The following CR1L variants were observed in gnomAD, a reference collection of about 807,000 sequenced individuals.
The protein encoded by CR1L is complement C3b/C4b receptor 1 like, also known as complement component receptor 1-like protein.
CR1L carries 59 observed loss-of-function variants against 62.3 expected under a neutral mutation model. The ratio of observed to expected loss-of-function variants is 0.95; its 90% CI spans 0.77 to 1.18. The LOEUF is 1.18. Among genes scored for constraint, CR1L ranks in the 50% most tolerant of loss-of-function variants. The pLI, the probability that CR1L is intolerant of heterozygous loss-of-function variation, is 0.00. For synonymous variants in CR1L, 279 were observed against 248.7 expected, an observed-to-expected ratio of 1.12 and a Z score of -1.15; for missense variants, 700 against 702.8, an observed-to-expected ratio of 1.00 and a Z score of 0.04.
intron 9 of CR1L, among the ~76,000 whole-genome samples, chr1:207,705,653 C>T (rs1356505898): frequency 6.6e-6 from 1 of 152,150 alleles, no homozygotes; most frequent in African/African-American, 2.4e-5. Context: ...CTTTTTTGAG[C>T]ATTTTTAAAA....
chr1:207,721,441 G>T (rs944532879), intron 11 of CR1L, among the ~76,000 whole-genome samples: 50 of 150,460 alleles, frequency 3.3e-4, no homozygotes, highest in Admixed American at 3.2e-3. Context: ...AATATGCGGT[G>T]TTTGGTTTTT....
intron 1 of CR1L, among the ~76,000 whole-genome samples, chr1:207,661,829 A>AG (rs1335758088): frequency 6.6e-6 from 1 of 152,184 alleles, no homozygotes; most frequent in African/African-American, 2.4e-5. Context: ...AAGCTGTTTT[A>AG]GGGCAGGCCT....
At chr1:207,715,405 G>T in intron 10 of CR1L, 2 of 1,552,186 alleles carry the variant, frequency 1.3e-6, no homozygotes, top group Non-Finnish European at 1.8e-6. Context: ...AACGTGAGTA[G>T]AAAGAACTAC....
intron 9 of CR1L, among the ~76,000 whole-genome samples, chr1:207,706,473 T>A (rs1267520910): frequency 6.6e-6 from 1 of 151,962 alleles, no homozygotes; most frequent in African/African-American, 2.4e-5. Context: ...ATTCAAATTA[T>A]GTATTAAAAA....
chr1:207,647,712 G>T (rs530461949), intron 1 of CR1L, among the ~76,000 whole-genome samples: 8 of 152,230 alleles, frequency 5.3e-5, no homozygotes, highest in African/African-American at 9.6e-5. Flanking sequence ...TGCTCAGGAT[G>T]GTCTTTCTGT....
At chr1:207,707,404 G>A (rs1332354744) in intron 9 of CR1L, among the ~76,000 whole-genome samples, 4 of 152,134 alleles carry the variant, frequency 2.6e-5, no homozygotes, top group African/African-American at 9.7e-5. Context: ...GAGGTGGGAG[G>A]GTCACCTCAG....
chr1:207,672,477 G>A, intron 1 of CR1L, among the ~76,000 whole-genome samples: 1 of 151,290 alleles, frequency 6.6e-6, no homozygotes, highest in Non-Finnish European at 1.5e-5. Context: ...AAAAGATAAA[G>A]GTGCTGAAGT....
intron 1 of CR1L, among the ~76,000 whole-genome samples, chr1:207,658,185 C>G (rs2102443770): frequency 6.6e-6 from 1 of 151,672 alleles, no homozygotes; most frequent in African/African-American, 2.4e-5. Flanking sequence ...AAAAGAAAAG[C>G]CTCAAATCAA....
intron 10 of CR1L, chr1:207,709,250 A>T (rs1022538935): frequency 6.3e-6 from 1 of 158,118 alleles, no homozygotes; most frequent in Non-Finnish European, 1.4e-5. Flanking sequence ...CAAAAAATAC[A>T]AAAATTAAAT....
chr1:207,708,898 G>C, intron 10 of CR1L: 1 of 398,054 alleles, frequency 2.5e-6, no homozygotes, highest in Non-Finnish European at 5.0e-6. Flanking sequence ...GCTGGGCACT[G>C]CCCTACAGTA....
intron 9 of CR1L, among the ~76,000 whole-genome samples, chr1:207,703,483 T>A (rs1328206755): frequency 2.0e-5 from 3 of 152,220 alleles, no homozygotes; most frequent in African/African-American, 7.2e-5. Context: ...ACTGTTGAGA[T>A]ATAGTGCTCA....
At chr1:207,687,324 T>C (rs1486049025) in intron 4 of CR1L, among the ~76,000 whole-genome samples, 1 of 152,224 alleles carries the variant, frequency 6.6e-6, no homozygotes, top group Non-Finnish European at 1.5e-5. Flanking sequence ...GGTCTTTTTT[T>C]ATTCCAACAA....
At chr1:207,683,654 GATA>G (rs1663843341) in intron 3 of CR1L, among the ~76,000 whole-genome samples, 1 of 152,062 alleles carries the variant, frequency 6.6e-6, no homozygotes, top group African/African-American at 2.4e-5. Context: ...TGTGTCATAA[GATA>G]ATAAAAAAGA....
chr1:207,653,510 G>A (rs556715170), intron 1 of CR1L, among the ~76,000 whole-genome samples: 1 of 152,330 alleles, frequency 6.6e-6, no homozygotes, highest in Non-Finnish European at 1.5e-5. Flanking sequence ...TTAAAGTAGG[G>A]CTCACAGAAA....
intron 10 of CR1L, chr1:207,710,297 C>T (rs1392779310): frequency 3.3e-5 from 27 of 806,406 alleles, no homozygotes; most frequent in Middle Eastern, 3.7e-4. Context: ...GAGCCATGAT[C>T]GTGCCACTGC....
In CR1L at chr1:207,723,691, A is replaced by G. The variant is rs757329041; in HGVS notation, c.*6A>G. On this transcript the variant is annotated 3_prime_UTR_variant, in exon 12 of 12. Transcript: ENST00000508064. ...AGGAATTCTGTCATCTTTAACAGTA[A>G]GTACCTACTTATAATGAATGCAATG... 3.2e-6 allele frequency: 5 copies of G among 1,547,190 alleles called. No homozygotes were observed. Among genetic ancestry groups the G allele is most frequent in the Non-Finnish European group, 3.5e-6 (4 of 1,129,828 alleles).
chr1:207,720,970 G>C (rs1340905363), intron 11 of CR1L, among the ~76,000 whole-genome samples: 1 of 151,748 alleles, frequency 6.6e-6, no homozygotes, highest in African/African-American at 2.4e-5. Context: ...GACCTTCTTA[G>C]TTCACAAGAA....
At chr1:207,705,683 T>C (rs1664255176) in intron 9 of CR1L, among the ~76,000 whole-genome samples, 1 of 152,226 alleles carries the variant, frequency 6.6e-6, no homozygotes, top group African/African-American at 2.4e-5. Context: ...ATAAATTTCC[T>C]AACTGTTCCT....
At chr1:207,674,015 A>C (rs1384485570) in intron 1 of CR1L, among the ~76,000 whole-genome samples, 6 of 152,250 alleles carry the variant, frequency 3.9e-5, no homozygotes, top group Admixed American at 3.9e-4. Flanking sequence ...TATGTGCAGC[A>C]ACCTAGATAG....
Sources: allele counts gnomAD v4.1 joint callset (sites outside exome capture counted in the v4.1 genomes callset), GRCh38; gene constraint gnomAD v4.1.1; transcripts MANE v1.5; gene names NCBI Gene and HGNC (gene_info 2026-07-23, HGNC 2026-07-21).